Variants in ELMO1 observed in about 807,000 individuals in gnomAD.
ELMO1 encodes the protein engulfment and cell motility protein 1.
Under a neutral mutation model 98.9 loss-of-function variants are expected in ELMO1, and 26 were observed. The ratio of observed to expected loss-of-function variants is 0.26; its 90% CI spans 0.19 to 0.36. ELMO1 has a LOEUF of 0.36. Among genes scored for constraint, ELMO1 ranks in the 10% least tolerant of loss-of-function variants. The pLI is 1.00. For synonymous variants in ELMO1, 346 were observed against 346.0 expected (o/e 1.00, Z 0.00); for missense variants, 627 against 935.2 (o/e 0.67, Z 4.30).
intron 15 of ELMO1, among the ~76,000 whole-genome samples, chr7:37,095,982 T>C (rs1270738392): frequency 2.0e-5 from 3 of 152,234 alleles, no homozygotes; most frequent in Non-Finnish European, 4.4e-5. Context: ...TTAAATCATA[T>C]CCACCTTGGT....
intron 20 of ELMO1, among the ~76,000 whole-genome samples, chr7:36,864,240 G>A (rs1397625757): frequency 1.3e-5 from 2 of 152,182 alleles, no homozygotes; most frequent in Admixed American, 1.3e-4. Flanking sequence ...CGTGGTTATT[G>A]CTGTGATACT....
At chr7:36,909,509 T>A (rs1220907097) in intron 16 of ELMO1, among the ~76,000 whole-genome samples, 2 of 152,338 alleles carry the variant, frequency 1.3e-5, no homozygotes, top group Non-Finnish European at 2.9e-5. Flanking sequence ...GATCAAAGAT[T>A]TTAGGAGCAA....
At chr7:37,359,308 C>T (rs60210579) in intron 1 of ELMO1, among the ~76,000 whole-genome samples, 4,037 of 152,334 alleles carry the variant, frequency 0.027, 202 homozygotes, top group African/African-American at 0.09. Flanking sequence ...ACTGATTGGA[C>T]TCTGACTGTC....
At chr7:36,928,194 T>G (rs1785733478) in intron 16 of ELMO1, among the ~76,000 whole-genome samples, 1 of 152,222 alleles carries the variant, frequency 6.6e-6, no homozygotes, top group Admixed American at 6.5e-5. Flanking sequence ...GATTCGTAAG[T>G]GCATCTTCCC....
At chr7:37,099,347 A>G (rs540880751) in intron 14 of ELMO1, among the ~76,000 whole-genome samples, 18 of 152,382 alleles carry the variant, frequency 1.2e-4, no homozygotes, top group African/African-American at 4.3e-4. Context: ...GTGAGAGATA[A>G]TTCTTAAGCT....
intron 14 of ELMO1, among the ~76,000 whole-genome samples, chr7:37,128,591 C>A (rs1399523524): frequency 6.6e-5 from 10 of 152,102 alleles, no homozygotes; most frequent in Non-Finnish European, 1.3e-4. Flanking sequence ...TACACAGTTA[C>A]AAAACTTTAT....
intron 13 of ELMO1, among the ~76,000 whole-genome samples, chr7:37,149,892 C>T (rs777683781): frequency 2.6e-5 from 4 of 152,042 alleles, no homozygotes; most frequent in Admixed American, 6.6e-5. Flanking sequence ...TGTTTTGTTC[C>T]CCTGGATACT....
At chr7:37,233,335 C>T (rs1242060472) in intron 7 of ELMO1, 141 bp from the exon 8 acceptor site, 1 of 679,286 alleles carries the variant, frequency 1.5e-6, no homozygotes, top group East Asian at 2.8e-5. Context: ...GTGACTTCTT[C>T]ACTAACATGA....
At chr7:36,891,587 A>G (rs1164077368) in intron 17 of ELMO1, among the ~76,000 whole-genome samples, 2 of 152,342 alleles carry the variant, frequency 1.3e-5, no homozygotes, top group South Asian at 2.1e-4. Context: ...AACTTGTTAA[A>G]TTCTGGTTAC....
At chr7:36,973,392 C>A (rs1041695203) in intron 16 of ELMO1, among the ~76,000 whole-genome samples, 4 of 152,192 alleles carry the variant, frequency 2.6e-5, no homozygotes, top group African/African-American at 9.7e-5. Flanking sequence ...CCCATTAGGG[C>A]CCTATGTCTC....
chr7:36,873,959 T>G (rs374472319), intron 19 of ELMO1, among the ~76,000 whole-genome samples: 1 of 152,200 alleles, frequency 6.6e-6, no homozygotes, highest in Non-Finnish European at 1.5e-5. Flanking sequence ...TAGAAGCTCC[T>G]GTGGGCAGAA....
intron 1 of ELMO1, chr7:37,375,523 T>C (rs2131369402): frequency 2.1e-6 from 2 of 948,570 alleles, no homozygotes; most frequent in Non-Finnish European, 3.3e-6. Flanking sequence ...GCCACCAAGA[T>C]GTTGATGCCT....
chr7:36,988,551 T>G (rs1233640426), intron 16 of ELMO1, among the ~76,000 whole-genome samples: 2 of 152,088 alleles, frequency 1.3e-5, no homozygotes, highest in East Asian at 3.9e-4. Context: ...TGATATGGAG[T>G]ATAAAAACAG....
intron 16 of ELMO1, among the ~76,000 whole-genome samples, chr7:36,920,858 G>A (rs1328023164): frequency 6.6e-6 from 1 of 152,112 alleles, no homozygotes; most frequent in Non-Finnish European, 1.5e-5. Flanking sequence ...GTCTCCATGA[G>A]CAGTGTCAAG....
chr7:36,878,606 C>A (rs566726429), intron 18 of ELMO1, among the ~76,000 whole-genome samples: 17 of 152,170 alleles, frequency 1.1e-4, no homozygotes, highest in Admixed American at 5.9e-4. Flanking sequence ...GGCTACCACA[C>A]GCACATTAAT....
intron 1 of ELMO1, among the ~76,000 whole-genome samples, chr7:37,394,238 C>G (rs1042172736): frequency 1.3e-4 from 20 of 152,124 alleles, no homozygotes; most frequent in African/African-American, 4.8e-4. Flanking sequence ...GATGCTTGAC[C>G]AGGTGGAGGG....
chr7:37,272,540 T>C (rs1007941108), intron 4 of ELMO1, among the ~76,000 whole-genome samples: 18 of 152,168 alleles, frequency 1.2e-4, no homozygotes, highest in Non-Finnish European at 2.2e-4. Context: ...CCAGGCATAG[T>C]GGCAGGCGCC....
At chr7:36,985,909 G>A (rs1791466781) in intron 16 of ELMO1, 9 of 1,002,336 alleles carry the variant, frequency 9.0e-6, no homozygotes, top group African/African-American at 1.7e-5. Flanking sequence ...TGTGTGAGAC[G>A]GAGGTTTACT....
chr7:37,094,689 T>C (rs990308097), intron 15 of ELMO1, among the ~76,000 whole-genome samples: 7 of 152,208 alleles, frequency 4.6e-5, no homozygotes, highest in African/African-American at 1.4e-4. Flanking sequence ...TGAATAAGAC[T>C]GTTCCCATAG....
Sources: gnomAD v4.1 joint callset for allele counts (sites outside exome capture counted in the v4.1 genomes callset) on GRCh38, gnomAD v4.1.1 for gene constraint, MANE v1.5 for transcripts, NCBI Gene and HGNC (gene_info 2026-07-23, HGNC 2026-07-21) for gene names.